Variants in MYOM2 observed in about 807,000 individuals in gnomAD.
MYOM2 encodes the protein myomesin-2.
A neutral mutation model predicts 187.6 loss-of-function variants in MYOM2; 254 were observed. The observed-to-expected ratio is 1.35, with a 90% CI of 1.22 to 1.50. The LOEUF (loss-of-function observed/expected upper bound fraction) is 1.50. Ranked by LOEUF, MYOM2 falls within the 40% of genes most tolerant of loss-of-function variation. The pLI, the probability that MYOM2 is intolerant of heterozygous loss-of-function variation, is 0.00. For missense variants in MYOM2, 2,796 were observed against 1,924.0 expected (o/e 1.45, Z -8.48); for synonymous variants, 981 against 753.8 (o/e 1.30, Z -4.94).
intron 35 of MYOM2, among the ~76,000 whole-genome samples, 156 bp downstream of exon 35, chr8:2,142,553 C>A (rs948649312): frequency 2.0e-5 from 3 of 152,126 alleles, no homozygotes; most frequent in Non-Finnish European, 4.4e-5. Flanking sequence ...TGTCCTGGAG[C>A]CCCATGTCCT....
intron 23 of MYOM2, among the ~76,000 whole-genome samples, chr8:2,107,739 G>C (rs989111767): frequency 2.8e-4 from 42 of 152,142 alleles, no homozygotes; most frequent in African/African-American, 9.2e-4. Flanking sequence ...AAATCCATTT[G>C]CATGCTTTTA....
At chr8:2,134,903 T>G (rs1798014909) in intron 32 of MYOM2, among the ~76,000 whole-genome samples, 2 of 152,172 alleles carry the variant, frequency 1.3e-5, no homozygotes, top group African/African-American at 4.8e-5. Context: ...AAGGTTGGCA[T>G]CAGAGACTAT....
intron 6 of MYOM2, among the ~76,000 whole-genome samples, chr8:2,062,377 C>T (rs1008137771): frequency 4.6e-5 from 7 of 152,118 alleles, no homozygotes; most frequent in African/African-American, 1.4e-4. Flanking sequence ...CGGGAAGGAA[C>T]ACAGGCCTGG....
intron 32 of MYOM2, among the ~76,000 whole-genome samples, chr8:2,135,449 G>A (rs537639117): frequency 4.6e-5 from 7 of 152,168 alleles, no homozygotes; most frequent in Non-Finnish European, 8.8e-5. Context: ...GTGAAAGGCA[G>A]TGTGGTTGTA....
At chr8:2,134,147 C>T (rs1797974659) in intron 32 of MYOM2, among the ~76,000 whole-genome samples, 1 of 151,930 alleles carries the variant, frequency 6.6e-6, no homozygotes, top group Non-Finnish European at 1.5e-5. Flanking sequence ...CCTTTTTTTC[C>T]AGGAACGCCC....
intron 14 of MYOM2, among the ~76,000 whole-genome samples, chr8:2,089,769 A>G (rs578068016): frequency 6.6e-6 from 1 of 152,332 alleles, no homozygotes; most frequent in Admixed American, 6.5e-5. Flanking sequence ...ATTTACTTTA[A>G]TGGAAAAAAA....
chr8:2,124,311 G>C, intron 31 of MYOM2, 94 bp downstream of exon 31: 1 of 1,277,250 alleles, frequency 7.8e-7, no homozygotes, highest in South Asian at 1.3e-5. Flanking sequence ...AGGGCACCAT[G>C]GAGCTGTGGT....
At chr8:2,092,292 T>G (rs1585890593) in intron 15 of MYOM2, 54 bp from the exon 16 acceptor site, 1 of 1,580,198 alleles carries the variant, frequency 6.3e-7, no homozygotes, top group Non-Finnish European at 8.6e-7. Flanking sequence ...ATCTCTGCTG[T>G]AGCTTCCAAA....
chr8:2,106,311 T>C lies in MYOM2; in HGVS notation c.2804T>C (p.Met935Thr). The change falls in exon 22 of 37, where the codon ATG becomes ACG. Residue 935 changes from methionine (M) to threonine (T), a missense_variant. Coordinates refer to ENST00000262113, the MANE Select transcript of MYOM2 (RefSeq NM_003970.4). ...NIYLGFDCQEMTDASQFTWCK... is the reference protein window; with the variant it reads ...NIYLGFDCQETTDASQFTWCK... ...TATCTGGGCTTCGACTGCCAGGAAA[T>C]GACAGACGCGTCTCAGTTCACCTGG... 1 of 1,614,146 alleles carries C rather than the reference T, an allele frequency of 6.2e-7. No homozygotes were observed. Among genetic ancestry groups the C allele is most frequent in the South Asian group, 1.1e-5 (1 of 91,080 alleles).
chr8:2,135,921 C>T (rs912203608), intron 32 of MYOM2, among the ~76,000 whole-genome samples: 9 of 152,148 alleles, frequency 5.9e-5, no homozygotes, highest in Non-Finnish European at 1.0e-4. Context: ...AATGAGTGGG[C>T]GTGGGGTCTA....
chr8:2,057,288 G>C, intron 3 of MYOM2, 60 bp from the exon 4 acceptor site: 1 of 1,548,378 alleles, frequency 6.5e-7, no homozygotes, highest in Non-Finnish European at 8.7e-7. Flanking sequence ...TCCGGCCTTC[G>C]GGGGCCACGT....
At chr8:2,106,099 C>T in intron 21 of MYOM2, 143 bp from the exon 22 acceptor site, 1 of 792,174 alleles carries the variant, frequency 1.3e-6, no homozygotes, top group South Asian at 1.8e-5. Context: ...ATCCAATCAC[C>T]TCACTCCCTC....
At position 2,085,289 on chromosome 8, in the gene MYOM2, A is replaced by T. The variant is rs140377334; in HGVS notation, c.1543A>T (p.Thr515Ser). Residue 515 changes from threonine (T) to serine (S), a missense_variant, in exon 14 of 37, where the codon ACC becomes TCC. Transcript: ENST00000262113. ...EGDAQVPGPP[T>S]GVHASEISRN... is the part of the protein sequence containing the mutation. ...TGACGCCCAGGTTCCAGGGCCTCCC[A>T]CCGGTGTGCACGCTTCCGAGATCAG... 6.2e-7 allele frequency: 1 copy of T among 1,614,076 alleles called. No homozygotes were observed. The highest frequency in any genetic ancestry group is 8.5e-7 in the Non-Finnish European group (1 of 1,179,986).
At chr8:2,110,465 T>C (rs145533419) in intron 25 of MYOM2, among the ~76,000 whole-genome samples, 1 of 152,342 alleles carries the variant, frequency 6.6e-6, no homozygotes, top group Non-Finnish European at 1.5e-5. Context: ...CCAATGGTTG[T>C]GTTTCAATAA....
At chr8:2,098,779 G>C in intron 18 of MYOM2, 78 bp from the exon 19 acceptor site, 4 of 1,430,462 alleles carry the variant, frequency 2.8e-6, no homozygotes, top group Non-Finnish European at 3.8e-6. Context: ...TCACAAGCCA[G>C]TTATAACAAC....
chr8:2,069,837 C>T (rs550123760), intron 8 of MYOM2, among the ~76,000 whole-genome samples: 3 of 152,278 alleles, frequency 2.0e-5, no homozygotes, highest in South Asian at 2.1e-4. Context: ...AGAGACTTTA[C>T]GTTTTTGAAC....
intron 1 of MYOM2, among the ~76,000 whole-genome samples, chr8:2,046,483 A>G (rs10104822): frequency 0.9 from 137,331 of 152,222 alleles, 62,194 homozygotes; most frequent in East Asian, 1. Flanking sequence ...TGACCCGGGC[A>G]AGTCATATTT....
intron 13 of MYOM2, 138 bp downstream of exon 13, chr8:2,079,751 T>G: frequency 1.1e-6 from 1 of 904,904 alleles, no homozygotes; most frequent in Non-Finnish European, 1.8e-6. Context: ...AGGTCAGGCC[T>G]GCAAGCCCAG....
chr8:2,115,666 T>C (rs10113805), intron 25 of MYOM2, among the ~76,000 whole-genome samples: 7,687 of 152,320 alleles, frequency 0.05, 634 homozygotes, highest in African/African-American at 0.17. Flanking sequence ...CTGTGAATTT[T>C]ATCTGCTTCA....
Sources: allele counts gnomAD v4.1 joint callset (sites outside exome capture counted in the v4.1 genomes callset), GRCh38; gene constraint gnomAD v4.1.1; transcripts MANE v1.5; gene names NCBI Gene and HGNC (gene_info 2026-07-23, HGNC 2026-07-21).